Variants in RGS6 observed in about 807,000 individuals in gnomAD.
The protein encoded by RGS6 is regulator of G protein signaling 6.
Under a neutral mutation model 78.5 loss-of-function variants are expected in RGS6, and 30 were observed. The ratio of observed to expected loss-of-function variants is 0.38; its 90% CI spans 0.29 to 0.52. RGS6 has a LOEUF of 0.52. Ranked by LOEUF, RGS6 falls within the 20% of genes least tolerant of loss-of-function variation. The pLI, the probability that RGS6 is intolerant of heterozygous loss-of-function variation, is 0.85. For missense variants in RGS6, 495 were observed against 609.7 expected (o/e 0.81, Z 1.98); for synonymous variants, 206 against 206.0 (o/e 1.00, Z 0.00).
chr14:72,495,202 C>T lies in RGS6; in HGVS notation c.905C>T (p.Pro302Leu). 1 of 1,613,722 alleles carries T rather than the reference C, an allele frequency of 6.2e-7. No homozygotes were observed. The highest frequency in any genetic ancestry group is 8.5e-7 in the Non-Finnish European group (1 of 1,179,682). ...QYVEYDPLIT[P>L]AEPSNPWISD... ...GTGGAATATGACCCTTTGATAACAC[C>T]AGCTGAGCCATCCAACCCTTGGATC... Residue 302 changes from proline (P) to leucine (L), a missense_variant, in exon 13 of 18, where the codon CCA (proline) becomes CTA (leucine). Pro to Leu is a moderately conservative substitution (Grantham distance 98). Coordinates refer to ENST00000553525, the MANE Select transcript of RGS6 (RefSeq NM_001204424.2).
intron 2 of RGS6, among the ~76,000 whole-genome samples, chr14:72,204,535 T>G (rs1256136072): frequency 6.6e-6 from 1 of 152,230 alleles, no homozygotes; most frequent in Non-Finnish European, 1.5e-5. Flanking sequence ...GGGTGGCTTA[T>G]GGACAACAGG....
intron 17 of RGS6, among the ~76,000 whole-genome samples, chr14:72,554,008 CT>C (rs780042339): frequency 2.6e-5 from 4 of 152,238 alleles, no homozygotes; most frequent in Non-Finnish European, 5.9e-5. Context: ...CAGGTATCTC[CT>C]GAAAACGCTG....
intron 3 of RGS6, among the ~76,000 whole-genome samples, chr14:72,438,606 C>T (rs1003185246): frequency 6.6e-6 from 1 of 152,182 alleles, no homozygotes; most frequent in South Asian, 2.1e-4. Context: ...GGGCAAGCCC[C>T]ATCCATCAGA....
At chr14:72,032,589 C>T (rs531181628) in intron 2 of RGS6, among the ~76,000 whole-genome samples, 21 of 152,220 alleles carry the variant, frequency 1.4e-4, no homozygotes, top group Non-Finnish European at 2.2e-4. Flanking sequence ...AACTCTTTAA[C>T]CATTGAACAG....
intron 3 of RGS6, among the ~76,000 whole-genome samples, chr14:72,382,373 AAATT>A (rs1407221290): frequency 6.6e-6 from 1 of 152,232 alleles, no homozygotes; most frequent in African/African-American, 2.4e-5. Context: ...ATGAAAATGC[AAATT>A]AATTAAAACT....
rs112576557 is a variant in RGS6 at position 71,936,582 on chromosome 14, AGACAATAAT to A, written c.-21+3644_-21+3652del. On this transcript the variant is annotated intron_variant, in intron 1 of 17. Coordinates refer to ENST00000553525, the MANE Select transcript of RGS6 (RefSeq NM_001204424.2). ...GAGATCATACATAATCTTCAAATAAAGACAATAATGAGGTCAAAATTGTGCATAACATAA... is the reference window on the plus strand; with the variant it reads ...GAGATCATACATAATCTTCAAATAAAGAGGTCAAAATTGTGCATAACATAA... 9.1e-3 allele frequency among the ~76,000 whole-genome samples: 1,386 copies of A among 152,314 alleles called. 19 individuals are homozygous for A. The highest frequency in any genetic ancestry group is 0.032 in the African/African-American group (1,322 of 41,568).
chr14:72,325,887 A>G (rs1052070186), intron 2 of RGS6, among the ~76,000 whole-genome samples: 2 of 152,204 alleles, frequency 1.3e-5, no homozygotes, highest in Admixed American at 1.3e-4. Flanking sequence ...AAAAAGTTTA[A>G]TCACACATTG....
the RGS6 span, among the ~76,000 whole-genome samples, chr14:72,573,187 G>T: frequency 0.11 from 16,050 of 152,214 alleles, 920 homozygotes; most frequent in Middle Eastern, 0.2. Flanking sequence ...TAGGAAAAAA[G>T]GAATTTAATT....
At chr14:72,246,834 A>G (rs1297065636) in intron 2 of RGS6, among the ~76,000 whole-genome samples, 2 of 151,646 alleles carry the variant, frequency 1.3e-5, no homozygotes, top group African/African-American at 4.9e-5. Context: ...TGAACCTGAG[A>G]GGTGGAGCTT....
chr14:72,192,363 A>C (rs2097337401), intron 2 of RGS6, among the ~76,000 whole-genome samples: 1 of 152,228 alleles, frequency 6.6e-6, no homozygotes, highest in South Asian at 2.1e-4. Context: ...AAGATGGTAC[A>C]AAGAAAAAAG....
chr14:72,076,189 G>A (rs2094567490), intron 2 of RGS6, among the ~76,000 whole-genome samples: 1 of 152,188 alleles, frequency 6.6e-6, no homozygotes, highest in African/African-American at 2.4e-5. Flanking sequence ...CCCTCCACAG[G>A]CACCTTAGCC....
chr14:72,163,676 C>T (rs905410962), intron 2 of RGS6, among the ~76,000 whole-genome samples: 6 of 152,102 alleles, frequency 3.9e-5, no homozygotes, highest in African/African-American at 9.6e-5. Flanking sequence ...CGAGGTCAGG[C>T]GTTCGAGACC....
chr14:71,926,216 G>C, the RGS6 span, among the ~76,000 whole-genome samples: 1 of 152,104 alleles, frequency 6.6e-6, no homozygotes, highest in East Asian at 1.9e-4. Context: ...AAGCAATCTT[G>C]AAGAAAAAAA....
chr14:72,245,054 AT>A lies in RGS6; in HGVS notation c.85-107040del, dbSNP rs1300341719. On this transcript the variant is annotated intron_variant, in intron 2 of 17. Coordinates refer to ENST00000553525, the MANE Select transcript of RGS6 (RefSeq NM_001204424.2). ...TGGCCAGGCTAGTCTTGTTTTTATT[AT>A]CACCATGTTCCAGCAATTCTAAACG... Among the ~76,000 whole-genome samples the A allele has an allele frequency of 2.0e-5, 3 of 152,192 alleles. No individual in the cohort carries two copies. The East Asian group carries it at 5.8e-4, about 29-fold the overall frequency.
intron 17 of RGS6, chr14:72,547,244 C>T: frequency 3.3e-6 from 5 of 1,535,632 alleles, no homozygotes; most frequent in Non-Finnish European, 4.4e-6. Context: ...AGGAGTCTGG[C>T]AAGGCGACAG....
rs139805580 is a variant in RGS6 at position 72,209,201 on chromosome 14, A to G, written c.85-142894A>G. The stretch of plus-strand genomic sequence containing the variant: ...GGCTGCAGTGAGCTATGATTGTGCC[A>G]CTGCACTCCAGCCTAGGTGACAGAG... On this transcript the variant is annotated intron_variant, in intron 2 of 17. Transcript: ENST00000553525. Among the ~76,000 whole-genome samples the G allele has an allele frequency of 3.5e-4, 53 of 152,332 alleles. No individual in the cohort carries two copies. In the East Asian group the frequency reaches 9.8e-3, roughly 28 times the overall value.
At chr14:72,466,958 G>A (rs1243537453) in intron 7 of RGS6, among the ~76,000 whole-genome samples, 3 of 152,122 alleles carry the variant, frequency 2.0e-5, no homozygotes, top group Non-Finnish European at 2.9e-5. Context: ...AATAAGACAA[G>A]ATGTGTGTCA....
At chr14:72,269,081 A>G (rs1004483512) in intron 2 of RGS6, among the ~76,000 whole-genome samples, 2 of 152,144 alleles carry the variant, frequency 1.3e-5, no homozygotes, top group African/African-American at 4.8e-5. Flanking sequence ...TTAATCCAGC[A>G]ATAAATCCCT....
At position 72,070,160 on chromosome 14, in the gene RGS6, G is replaced by C. The variant is rs927216348; in HGVS notation, c.84+105285G>C. ...TCTCTCTCTCTCTCTGTCTCTCTCT[G>C]TGTGTGTGTGTAAGGGAGAGAATTT... On this transcript the variant is annotated intron_variant, in intron 2 of 17. Coordinates refer to ENST00000553525, the MANE Select transcript of RGS6 (RefSeq NM_001204424.2). 7.2e-5 allele frequency among the ~76,000 whole-genome samples: 11 copies of C among 151,774 alleles called. No individual in the cohort carries two copies. The South Asian group carries it at 8.3e-4, about 11-fold the overall frequency.
Sources: allele counts gnomAD v4.1 joint callset (sites outside exome capture counted in the v4.1 genomes callset), GRCh38; gene constraint gnomAD v4.1.1; transcripts MANE v1.5; gene names NCBI Gene and HGNC (gene_info 2026-07-23, HGNC 2026-07-21).